MCC: variants seen among roughly 807,000 people sequenced by gnomAD.
MCC encodes the protein MCC regulator of Wnt signaling pathway, also known as colorectal mutant cancer protein.
In MCC, 90 loss-of-function variants were observed where a neutral mutation model predicts 116.2. The ratio of observed to expected loss-of-function variants is 0.77; its 90% confidence interval spans 0.65 to 0.92. MCC has a LOEUF of 0.92. MCC is among the 40% of genes least tolerant of loss of function. The pLI is 0.00. For synonymous variants in MCC, 578 were observed against 510.5 expected, an observed-to-expected ratio of 1.13 and a Z score of -1.78; for missense variants, 1,516 against 1,312.2, an observed-to-expected ratio of 1.16 and a Z score of -2.40.
intron 5 of MCC, among the ~76,000 whole-genome samples, chr5:113,136,197 C>T (rs1197879886): frequency 6.6e-6 from 1 of 152,224 alleles, no homozygotes; most frequent in Non-Finnish European, 1.5e-5. Context: ...ATATTTACTC[C>T]TTCCTTCTCC....
At chr5:113,119,879 C>A (rs2150268331) in intron 6 of MCC, among the ~76,000 whole-genome samples, 1 of 152,274 alleles carries the variant, frequency 6.6e-6, no homozygotes, top group East Asian at 1.9e-4. Context: ...AATGAGGATG[C>A]CCCATGGCGC....
Position 113,071,234 on chromosome 5 carries a change from G to A in MCC, c.1785C>T (p.Ser595=). Residue 595 remains serine (S), a splice_region_variant and synonymous_variant, in exon 12 of 19, where the codon AGC becomes AGT. Transcript: ENST00000408903. ...TTTGGGATTTGAGGTGCTCAATCCG[G>A]CTACAAAGGAACAAAAATCAGATTC... ...EFEVETERLN[S]RIEHLKSQND... 1.2e-6 allele frequency: 2 copies of A among 1,612,764 alleles called. No individual in the cohort carries two copies. The highest frequency in any genetic ancestry group is 1.7e-4 in the Middle Eastern group (1 of 6,054).
At chr5:113,269,457 G>A (rs1440998521) in intron 3 of MCC, among the ~76,000 whole-genome samples, 4 of 152,130 alleles carry the variant, frequency 2.6e-5, no homozygotes, top group Non-Finnish European at 5.9e-5. Flanking sequence ...CCCCCAAGGT[G>A]ACACCAAAAC....
chr5:113,447,852 G>A (rs556192352), intron 1 of MCC, among the ~76,000 whole-genome samples: 10 of 152,250 alleles, frequency 6.6e-5, no homozygotes, highest in Admixed American at 1.3e-4. Context: ...GCGGCCCACC[G>A]AGAGAGAGCA....
chr5:113,154,329 C>G (rs552510075), intron 3 of MCC, among the ~76,000 whole-genome samples: 1 of 152,340 alleles, frequency 6.6e-6, no homozygotes, highest in African/African-American at 2.4e-5. Context: ...ATGTCTCTTA[C>G]TGTTACTGAC....
intron 2 of MCC, among the ~76,000 whole-genome samples, chr5:113,341,872 C>G (rs761186799): frequency 1.3e-5 from 2 of 152,058 alleles, no homozygotes; most frequent in Non-Finnish European, 2.9e-5. Context: ...TTTTGGGGAA[C>G]AGGTGGTGTT....
rs143540136 is a variant in MCC, at chr5:113,301,119, G to A, written c.627+39400C>T. Among the ~76,000 whole-genome samples the A allele has an allele frequency of 9.5e-3, 1,454 of 152,318 alleles. 15 individuals are homozygous for A. Among genetic ancestry groups the A allele is most frequent in the South Asian group, 0.023 (112 of 4,832 alleles). The stretch of plus-strand genomic sequence containing the variant: ...GGTGTATGGGATGGAAAAGATCCCT[G>A]CTTTCACAGAGCTAGCACTCTTGAT... On this transcript the variant is annotated intron_variant, in intron 3 of 18. Transcript: ENST00000408903.
intron 1 of MCC, among the ~76,000 whole-genome samples, chr5:113,403,151 A>T (rs1769739487): frequency 1.3e-5 from 2 of 152,112 alleles, no homozygotes; most frequent in Non-Finnish European, 1.5e-5. Context: ...GAATATGGCT[A>T]AAACTATCCC....
chr5:113,236,046 T>G (rs1764117743), intron 3 of MCC, among the ~76,000 whole-genome samples: 1 of 152,192 alleles, frequency 6.6e-6, no homozygotes, highest in Non-Finnish European at 1.5e-5. Context: ...CATGTTCAGG[T>G]TGGGCCCCTT....
chr5:113,225,239 T>C (rs934457417), intron 3 of MCC, among the ~76,000 whole-genome samples: 1 of 152,222 alleles, frequency 6.6e-6, no homozygotes, highest in Admixed American at 6.5e-5. Context: ...GTATATTCTG[T>C]TGAACTAATT....
At chr5:113,076,767 C>A (rs1211487327) in intron 11 of MCC, among the ~76,000 whole-genome samples, 3 of 152,162 alleles carry the variant, frequency 2.0e-5, no homozygotes, top group Non-Finnish European at 2.9e-5. Flanking sequence ...AGCAAAATAA[C>A]CAGCTAACAT....
chr5:113,097,687 T>A (rs1756111827), intron 8 of MCC, among the ~76,000 whole-genome samples: 1 of 152,182 alleles, frequency 6.6e-6, no homozygotes, highest in Non-Finnish European at 1.5e-5. Flanking sequence ...AAAACATAGA[T>A]GTCTCTTTAT....
At chr5:113,437,170 A>T (rs925623923) in intron 1 of MCC, 3 of 152,190 alleles carry the variant, frequency 2.0e-5, no homozygotes, top group African/African-American at 7.2e-5. Flanking sequence ...AATGCTAAAA[A>T]ATTTATTTTG....
At chr5:113,313,784 T>TTC (rs926562593) in intron 3 of MCC, among the ~76,000 whole-genome samples, 1 of 151,262 alleles carries the variant, frequency 6.6e-6, no homozygotes, top group South Asian at 2.1e-4. Flanking sequence ...GCCATTTTCT[T>TTC]TCTCTCTCTC....
rs1561546497 is a variant in MCC at position 113,385,090 on chromosome 5, AT to A, written c.292del (p.Met98CysfsTer12). ...CTTCCTAATTTCTCGAACAAGCTGC[AT>A]GCGGCATCTTGTGAAATCCTGAAAG... ...ISFQDFTRCR[M>X]QLVREIRKEE... On this transcript the variant is annotated frameshift_variant, in exon 2 of 19. Coordinates refer to ENST00000408903, the MANE Select transcript of MCC (RefSeq NM_001085377.2). LOFTEE classifies it high-confidence loss of function. 4.3e-6 allele frequency: 7 copies of A among 1,614,222 alleles called. No homozygotes were observed. In the South Asian group the frequency reaches 7.7e-5, roughly 18 times the overall value.
chr5:113,272,232 A>G (rs898064499), intron 3 of MCC, among the ~76,000 whole-genome samples: 4 of 152,148 alleles, frequency 2.6e-5, no homozygotes, highest in Non-Finnish European at 5.9e-5. Flanking sequence ...GTTCCTCATC[A>G]TGTCAGGCAC....
chr5:113,122,633 T>C, intron 6 of MCC, 51 bp downstream of exon 6: 1 of 1,597,310 alleles, frequency 6.3e-7, no homozygotes, highest in Non-Finnish European at 8.5e-7. Flanking sequence ...AAATTTCTAT[T>C]ACAATCCAGA....
At chr5:113,090,182 C>A (rs1162241271) in intron 8 of MCC, among the ~76,000 whole-genome samples, 1 of 151,740 alleles carries the variant, frequency 6.6e-6, no homozygotes, top group East Asian at 1.9e-4. Context: ...ATGGGGACAC[C>A]TTTTTCTCGG....
chr5:113,097,485 T>C (rs975482437), intron 8 of MCC, among the ~76,000 whole-genome samples: 2 of 152,218 alleles, frequency 1.3e-5, no homozygotes, highest in African/African-American at 4.8e-5. Flanking sequence ...AATATTTTTA[T>C]ATACATACAT....
Sources: allele counts gnomAD v4.1 joint callset (sites outside exome capture counted in the v4.1 genomes callset), GRCh38; gene constraint gnomAD v4.1.1; transcripts MANE v1.5; gene names NCBI Gene and HGNC (gene_info 2026-07-23, HGNC 2026-07-21).